The following GLIS3 variants were observed in gnomAD, a reference collection of about 807,000 sequenced individuals.
GLIS3 encodes GLIS family zinc finger 3, also known as zinc finger protein GLIS3.
A neutral mutation model predicts 78.6 loss-of-function variants in GLIS3; 53 were observed. The ratio of observed to expected loss-of-function variants is 0.67; its 90% confidence interval spans 0.54 to 0.85. The LOEUF is 0.85. GLIS3 is among the 40% of genes least tolerant of loss of function. The probability of loss-of-function intolerance (pLI) is 0.00; values close to 1 mark genes in which losing one functional copy is unlikely to be tolerated. For synonymous variants in GLIS3, 684 were observed against 509.9 expected (o/e 1.34, Z -4.60); for missense variants, 1,703 against 1,231.1 (o/e 1.38, Z -5.74).
rs535264926 is a variant in GLIS3 at position 4,120,165 on chromosome 9, A to G, written c.597-1284T>C. 2.6e-5 allele frequency among the ~76,000 whole-genome samples: 4 copies of G among 152,344 alleles called. No individual in the cohort carries two copies. In the South Asian group the frequency reaches 8.3e-4, roughly 32 times the overall value. On this transcript the variant is annotated intron_variant, in intron 3 of 10. Transcript: ENST00000381971. ...CAACCTGTCTCAAAGGAACTGAGGT[A>G]AAAGAAGCATTTTCATCCCACCTGT... is the stretch of plus-strand genomic sequence containing the variant.
intron 2 of GLIS3, among the ~76,000 whole-genome samples, chr9:4,180,604 T>A (rs913268757): frequency 2.0e-5 from 3 of 152,220 alleles, no homozygotes; most frequent in African/African-American, 7.2e-5. Context: ...CCAATTTTAA[T>A]CTGAGGATTG....
At chr9:4,297,837 G>T (rs1294293880) in intron 1 of GLIS3, among the ~76,000 whole-genome samples, 1 of 152,168 alleles carries the variant, frequency 6.6e-6, no homozygotes, top group Admixed American at 6.5e-5. Context: ...TGCCGGGAGC[G>T]GGGGAGAGGC....
the GLIS3 span, among the ~76,000 whole-genome samples, chr9:4,467,625 T>C: frequency 1.3e-5 from 2 of 152,138 alleles, no homozygotes; most frequent in South Asian, 2.1e-4. Flanking sequence ...CAAAACCCCA[T>C]CTGTACATCA....
chr9:3,849,678 C>A (rs567543034), intron 9 of GLIS3, among the ~76,000 whole-genome samples: 1 of 152,052 alleles, frequency 6.6e-6, no homozygotes, highest in South Asian at 2.1e-4. Context: ...GAGGCTGGGG[C>A]GGGTGGATCA....
the GLIS3 span, among the ~76,000 whole-genome samples, chr9:4,481,436 C>T: frequency 6.6e-6 from 1 of 151,936 alleles, no homozygotes; most frequent in Non-Finnish European, 1.5e-5. Context: ...GTGAGCCTCG[C>T]ACCATTACAC....
At chr9:4,436,126 TCAA>T in the GLIS3 span, among the ~76,000 whole-genome samples, 1 of 152,204 alleles carries the variant, frequency 6.6e-6, no homozygotes, top group Non-Finnish European at 1.5e-5. Flanking sequence ...ATCCTTGGAC[TCAA>T]CAATGCTTCT....
At chr9:4,460,416 G>C in the GLIS3 span, among the ~76,000 whole-genome samples, 1 of 152,244 alleles carries the variant, frequency 6.6e-6, no homozygotes, top group African/African-American at 2.4e-5. Context: ...AGCATAATGG[G>C]TTACCATTAG....
intron 6 of GLIS3, among the ~76,000 whole-genome samples, chr9:3,913,355 G>A (rs1186001584): frequency 6.6e-6 from 1 of 152,148 alleles, no homozygotes; most frequent in Non-Finnish European, 1.5e-5. Flanking sequence ...AGTCAGTATA[G>A]TTTTTCTCCT....
intron 4 of GLIS3, among the ~76,000 whole-genome samples, chr9:4,025,550 G>C (rs1314621032): frequency 6.6e-6 from 1 of 152,018 alleles, no homozygotes; most frequent in Non-Finnish European, 1.5e-5. Context: ...ACCATGCCTG[G>C]CTAATTTTTG....
intron 4 of GLIS3, among the ~76,000 whole-genome samples, chr9:4,092,193 T>C (rs1325945951): frequency 6.7e-6 from 1 of 149,030 alleles, no homozygotes; most frequent in African/African-American, 2.5e-5. Flanking sequence ...GCTCTGTTGC[T>C]CAGACTGGAG....
intron 2 of GLIS3, among the ~76,000 whole-genome samples, chr9:4,245,570 G>A (rs919673211): frequency 3.3e-5 from 5 of 152,124 alleles, no homozygotes; most frequent in Admixed American, 3.3e-4. Context: ...TGCTAAATAC[G>A]TTTTTCTTAA....
At chr9:3,894,082 T>G (rs1822649608) in intron 7 of GLIS3, among the ~76,000 whole-genome samples, 1 of 151,920 alleles carries the variant, frequency 6.6e-6, no homozygotes, top group South Asian at 2.1e-4. Flanking sequence ...GCCAAATGTT[T>G]ACCTTTAAAT....
chr9:3,885,188 G>C (rs1172532566), intron 7 of GLIS3, among the ~76,000 whole-genome samples: 3 of 152,202 alleles, frequency 2.0e-5, no homozygotes, highest in Non-Finnish European at 4.4e-5. Flanking sequence ...ATACTTGCTA[G>C]AGGCATATTG....
chr9:4,471,700 G>A, the GLIS3 span, among the ~76,000 whole-genome samples: 1 of 152,180 alleles, frequency 6.6e-6, no homozygotes, highest in Admixed American at 6.5e-5. Flanking sequence ...GCATGGGCAA[G>A]GACTTCATGA....
chr9:3,947,913 T>C (rs778075674), intron 4 of GLIS3, among the ~76,000 whole-genome samples: 1 of 152,224 alleles, frequency 6.6e-6, no homozygotes, highest in Non-Finnish European at 1.5e-5. Flanking sequence ...CATTATGCAC[T>C]TCTTAAATAT....
At chr9:4,074,959 C>G (rs1232094683) in intron 4 of GLIS3, among the ~76,000 whole-genome samples, 1 of 152,140 alleles carries the variant, frequency 6.6e-6, no homozygotes. Flanking sequence ...TGCTCAAGGT[C>G]ACATAGTTAG....
At chr9:4,427,904 T>C in the GLIS3 span, among the ~76,000 whole-genome samples, 1 of 149,244 alleles carries the variant, frequency 6.7e-6, no homozygotes, top group Admixed American at 6.7e-5. Flanking sequence ...CTAATATGTG[T>C]AGAAAATTTA....
the GLIS3 span, among the ~76,000 whole-genome samples, chr9:4,477,747 T>C: frequency 6.6e-6 from 1 of 152,084 alleles, no homozygotes; most frequent in Admixed American, 6.6e-5. Flanking sequence ...AGAGTTTCAG[T>C]CTGGGAAGGT....
the GLIS3 span, among the ~76,000 whole-genome samples, chr9:4,432,638 CTTT>C: frequency 3.5e-5 from 4 of 113,520 alleles, no homozygotes; most frequent in Non-Finnish European, 3.6e-5. Flanking sequence ...TTTTTATTTC[CTTT>C]TTTTTTTTTT....
Sources: allele counts gnomAD v4.1 joint callset (sites outside exome capture counted in the v4.1 genomes callset), GRCh38; gene constraint gnomAD v4.1.1; transcripts MANE v1.5; gene names NCBI Gene and HGNC (gene_info 2026-07-23, HGNC 2026-07-21).